The following ACTN4 variants were observed in gnomAD, a reference collection of about 807,000 sequenced individuals.
The protein encoded by ACTN4 is alpha-actinin-4.
A neutral mutation model predicts 114.2 loss-of-function variants in ACTN4; 18 were observed. The observed-to-expected ratio is 0.16, with a 90% CI of 0.11 to 0.23. The LOEUF (loss-of-function observed/expected upper bound fraction) is 0.23. Ranked by LOEUF, ACTN4 falls within the 10% of genes least tolerant of loss-of-function variation. The pLI, the probability that ACTN4 is intolerant of heterozygous loss-of-function variation, is 1.00. For synonymous variants in ACTN4, 515 were observed against 506.3 expected (o/e 1.02, Z -0.23); for missense variants, 722 against 1,262.9 (o/e 0.57, Z 6.49).
Position 38,725,707 on chromosome 19 carries a change from TG to T in ACTN4, c.2011-16del. 6.2e-7 allele frequency: 1 copy of T among 1,612,596 alleles called. No individual in the cohort carries two copies. The highest frequency in any genetic ancestry group is 8.5e-7 in the Non-Finnish European group (1 of 1,179,696). ...GGCCCACCAGCCTCACCCCACCGCC[TG>T]CACCCACCCCCGTAGGAGATCGGGC... On this transcript the variant is annotated splice_polypyrimidine_tract_variant and intron_variant, in intron 16 of 20. Coordinates refer to ENST00000252699, the MANE Select transcript of ACTN4 (RefSeq NM_004924.6).
chr19:38,649,186 C>CGG (rs371714249), intron 1 of ACTN4, among the ~76,000 whole-genome samples: 4 of 29,718 alleles, frequency 1.3e-4, no homozygotes, highest in African/African-American at 2.6e-4. Flanking sequence ...TTTTGGGGGG[C>CGG]GGGGGGGGCA....
At chr19:38,695,135 A>T (rs78844924) in intron 1 of ACTN4, among the ~76,000 whole-genome samples, 1,743 of 152,242 alleles carry the variant, frequency 0.011, 28 homozygotes, top group African/African-American at 0.04. Flanking sequence ...TCGGCCTCCT[A>T]AAGTGCTGGG....
chr19:38,729,661 C>CTGGTAAATATGTATGA lies in ACTN4; in HGVS notation c.*232_*247dup. On this transcript the variant is annotated 3_prime_UTR_variant, in exon 21 of 21. Coordinates refer to ENST00000252699, the MANE Select transcript of ACTN4 (RefSeq NM_004924.6). ...GAGACTTGGGGCCAGCGCTTCTGGT[C>CTGGTAAATATGTATGA]TGGTAAATATGTATGATGTGTTGTG... is the stretch of plus-strand genomic sequence containing the variant. The CTGGTAAATATGTATGA allele has an allele frequency of 2.8e-6, 2 of 712,020 alleles. No individual in the cohort carries two copies. Among genetic ancestry groups the CTGGTAAATATGTATGA allele is most frequent in the East Asian group, 5.4e-5 (2 of 36,788 alleles). 44.1% of individuals were successfully genotyped at this position (712,020 alleles called of 1,614,324 possible). A position where few individuals can be genotyped will look rare whatever the true frequency, so the allele number is the denominator to read the frequency against.
chr19:38,675,841 C>G (rs1427673700), intron 1 of ACTN4, among the ~76,000 whole-genome samples: 1 of 152,148 alleles, frequency 6.6e-6, no homozygotes, highest in African/African-American at 2.4e-5. Context: ...CCAGGCCAAG[C>G]AGAGGGCCCC....
Position 38,702,284 on chromosome 19 carries a change from G to A in ACTN4, c.397+1163G>A, listed in dbSNP as rs1011962238. Among the ~76,000 whole-genome samples the A allele has an allele frequency of 1.6e-4, 25 of 152,368 alleles. No homozygotes were observed. The East Asian group carries it at 3.5e-3, about 21-fold the overall frequency. ...CCAAATTGGTTCACTCCCAATCCCTGTGACTGTGGGGCCTTGGAACAAAGC... is the reference window on the plus strand; with the variant it reads ...CCAAATTGGTTCACTCCCAATCCCTATGACTGTGGGGCCTTGGAACAAAGC... On this transcript the variant is annotated intron_variant, in intron 3 of 20. Transcript: ENST00000252699.
intron 6 of ACTN4, among the ~76,000 whole-genome samples, chr19:38,708,624 G>A (rs1035255788): frequency 2.0e-5 from 3 of 152,226 alleles, no homozygotes; most frequent in Admixed American, 1.3e-4. Context: ...TCCAGGCCCT[G>A]GCCACCAGAA....
intron 1 of ACTN4, among the ~76,000 whole-genome samples, chr19:38,655,289 G>A (rs1009907689): frequency 2.6e-5 from 4 of 152,034 alleles, no homozygotes; most frequent in African/African-American, 9.7e-5. Flanking sequence ...GTTACCACTC[G>A]GGCTGAAGGC....
At chr19:38,672,504 G>C (rs1337671609) in intron 1 of ACTN4, among the ~76,000 whole-genome samples, 1 of 151,980 alleles carries the variant, frequency 6.6e-6, no homozygotes, top group Non-Finnish European at 1.5e-5. Context: ...GCTTCCCAAA[G>C]TGTTGGGATT....
intron 1 of ACTN4, among the ~76,000 whole-genome samples, chr19:38,649,893 A>C (rs1318108436): frequency 6.6e-6 from 1 of 151,870 alleles, no homozygotes; most frequent in Non-Finnish European, 1.5e-5. Flanking sequence ...GTAGTAACTG[A>C]GGGGCATGGC....
At chr19:38,673,558 T>TGA (rs1568689849) in intron 1 of ACTN4, among the ~76,000 whole-genome samples, 18 of 86,298 alleles carry the variant, frequency 2.1e-4, no homozygotes, top group East Asian at 9.3e-4. Flanking sequence ...TATATATACT[T>TGA]ATATATATTT....
At chr19:38,707,131 TC>T (rs1968488058) in intron 5 of ACTN4, among the ~76,000 whole-genome samples, 2 of 152,264 alleles carry the variant, frequency 1.3e-5, no homozygotes, top group African/African-American at 4.8e-5. Context: ...GCTTTTCCCA[TC>T]GTGCTCACCC....
At chr19:38,718,111 C>T (rs1163538985) in intron 11 of ACTN4, 37 bp downstream of exon 11, 4 of 1,575,266 alleles carry the variant, frequency 2.5e-6, no homozygotes, top group Non-Finnish European at 3.4e-6. Flanking sequence ...CCCAGCCCCG[C>T]TCCCGTGCTC....
In ACTN4 at chr19:38,700,851, T is replaced by C. The variant is rs566042339; in HGVS notation, c.277+137T>C. On this transcript the variant is annotated intron_variant, in intron 2 of 20. Transcript: ENST00000252699. ...GCACCCCTTAATAGCTGCACGGTGG[T>C]CTGATGGGTGGGGCCAGAGTGGCCT... The C allele has an allele frequency of 5.2e-5, 71 of 1,374,936 alleles. No homozygotes were observed. The East Asian group carries it at 1.6e-3, about 31-fold the overall frequency. 85.2% of individuals were successfully genotyped at this position (1,374,936 alleles called of 1,614,324 possible).
At chr19:38,721,062 C>T (rs1308316200) in intron 11 of ACTN4, among the ~76,000 whole-genome samples, 1 of 152,208 alleles carries the variant, frequency 6.6e-6, no homozygotes, top group East Asian at 1.9e-4. Flanking sequence ...GGCACTTAGA[C>T]GTGGAGAGGA....
At chr19:38,728,353 C>T (rs1412933120) in intron 19 of ACTN4, 1 of 1,442,748 alleles carries the variant, frequency 6.9e-7, no homozygotes, top group South Asian at 1.2e-5. Context: ...GACTTCAGGG[C>T]TCTGCTTATC....
At chr19:38,721,893 C>T (rs568456068) in intron 12 of ACTN4, 12 of 737,882 alleles carry the variant, frequency 1.6e-5, no homozygotes, top group South Asian at 1.2e-4. Context: ...AGGTGGGACA[C>T]CTGAAGGATT....
chr19:38,714,057 CG>C (rs1442431716), intron 8 of ACTN4, among the ~76,000 whole-genome samples: 1 of 152,214 alleles, frequency 6.6e-6, no homozygotes, highest in Non-Finnish European at 1.5e-5. Context: ...GGGACCCGGG[CG>C]CCCCTGCTCT....
chr19:38,654,125 C>G (rs770758892), intron 1 of ACTN4, among the ~76,000 whole-genome samples: 4 of 152,206 alleles, frequency 2.6e-5, no homozygotes, highest in African/African-American at 7.2e-5. Context: ...ACATTTTACT[C>G]GGTATCCCAG....
At chr19:38,672,922 T>C (rs1246400605) in intron 1 of ACTN4, among the ~76,000 whole-genome samples, 2 of 150,662 alleles carry the variant, frequency 1.3e-5, no homozygotes, top group Admixed American at 6.6e-5. Flanking sequence ...TTGATGGAGA[T>C]GATGGGGTTG....
Sources: gnomAD v4.1 joint callset for allele counts (sites outside exome capture counted in the v4.1 genomes callset) on GRCh38, gnomAD v4.1.1 for gene constraint, MANE v1.5 for transcripts, NCBI Gene and HGNC (gene_info 2026-07-23, HGNC 2026-07-21) for gene names.